ACAD11: variants seen among roughly 807,000 people sequenced by gnomAD.
The protein encoded by ACAD11 is acyl-Coenzyme A dehydrogenase family, member 11.
Under a neutral mutation model 102.2 loss-of-function variants are expected in ACAD11, and 83 were observed. The ratio of observed to expected loss-of-function variants is 0.81; its 90% CI spans 0.68 to 0.97. The LOEUF (loss-of-function observed/expected upper bound fraction) is 0.97, where lower values mean the gene tolerates loss of function less well. ACAD11 is among the 50% of genes least tolerant of loss of function. The pLI is 0.00. For synonymous variants in ACAD11, 324 were observed against 319.8 expected (o/e 1.01, Z -0.14); for missense variants, 901 against 951.7 (o/e 0.95, Z 0.70).
intron 4 of ACAD11, among the ~76,000 whole-genome samples, chr3:132,641,326 G>A (rs1010396345): frequency 1.3e-5 from 2 of 152,064 alleles, no homozygotes; most frequent in Non-Finnish European, 2.9e-5. Flanking sequence ...GGCGGATCAC[G>A]AGGTCAGGAG....
chr3:132,588,269 G>A (rs376807555), intron 13 of ACAD11, among the ~76,000 whole-genome samples: 3 of 152,024 alleles, frequency 2.0e-5, no homozygotes, highest in Admixed American at 1.3e-4. Flanking sequence ...CTGTGGGAAG[G>A]TTCATCTTAA....
At position 132,637,634 on chromosome 3, in the gene ACAD11, G is replaced by A. The variant is rs138615378; in HGVS notation, c.702+1858C>T. 6.2e-4 allele frequency among the ~76,000 whole-genome samples: 94 copies of A among 152,162 alleles called. 1 individual carries two copies. The highest frequency in any genetic ancestry group is 6.8e-3 in the Middle Eastern group (2 of 294). On this transcript the variant is annotated intron_variant, in intron 5 of 19. Coordinates refer to ENST00000264990, the MANE Select transcript of ACAD11 (RefSeq NM_032169.5). The stretch of plus-strand genomic sequence containing the variant: ...CCAAGATCTTAAACATTTCTCTACT[G>A]GTAAAATTTATATTTGGAAAATCAA...
intron 5 of ACAD11, among the ~76,000 whole-genome samples, chr3:132,632,801 G>T (rs917024409): frequency 2.0e-5 from 3 of 152,182 alleles, no homozygotes; most frequent in African/African-American, 7.2e-5. Flanking sequence ...CACATCCCTT[G>T]TAAGTTGGAT....
At chr3:132,640,570 G>A (rs1940454087) in intron 4 of ACAD11, among the ~76,000 whole-genome samples, 1 of 152,040 alleles carries the variant, frequency 6.6e-6, no homozygotes, top group Non-Finnish European at 1.5e-5. Context: ...CATTTCCCGA[G>A]GTATCTTTGC....
intron 13 of ACAD11, among the ~76,000 whole-genome samples, chr3:132,599,376 G>A (rs371647742): frequency 6.6e-6 from 1 of 151,828 alleles, no homozygotes; most frequent in African/African-American, 2.4e-5. Flanking sequence ...GCATGGTGGT[G>A]TGTACCTGTA....
At chr3:132,600,992 T>G (rs200045620) in intron 13 of ACAD11, 6 of 1,613,322 alleles carry the variant, frequency 3.7e-6, no homozygotes, top group Non-Finnish European at 5.1e-6. Flanking sequence ...AATGAAAGCA[T>G]TGATTCAAAT....
chr3:132,576,906 T>C, intron 16 of ACAD11, 38 bp downstream of exon 16: 2 of 1,357,312 alleles, frequency 1.5e-6, no homozygotes, highest in Non-Finnish European at 1.0e-6. Flanking sequence ...GAAATATTAA[T>C]GTACAATACT....
chr3:132,587,378 C>A (rs1010603630), intron 13 of ACAD11, among the ~76,000 whole-genome samples: 1 of 151,952 alleles, frequency 6.6e-6, no homozygotes, highest in Admixed American at 6.6e-5. Flanking sequence ...TCATTCTTTC[C>A]TCTGTTATCT....
chr3:132,642,010 C>T lies in ACAD11; in HGVS notation c.499G>A (p.Glu167Lys). 1 of 1,613,912 alleles carries T rather than the reference C, an allele frequency of 6.2e-7. No homozygotes were observed. The highest frequency in any genetic ancestry group is 8.5e-7 in the Non-Finnish European group (1 of 1,179,876). ...TACCCAGCACCTATACCATATCCTT[C>T]CAGCTGCAGTGACTGTATATTCAAG... Reference protein sequence around the residue: ...HSLNIQSLQLEGYGIGAGYCK... With the variant: ...HSLNIQSLQLKGYGIGAGYCK... Residue 167 changes from glutamate to lysine, a missense_variant, in exon 4 of 20, where the codon GAA becomes AAA. By Grantham distance (56) the Glu-to-Lys change is moderately conservative. Transcript: ENST00000264990.
At chr3:132,566,396 G>A (rs1337972602) in intron 17 of ACAD11, among the ~76,000 whole-genome samples, 1 of 150,980 alleles carries the variant, frequency 6.6e-6, no homozygotes, top group Non-Finnish European at 1.5e-5. Context: ...AAGAGAAAGA[G>A]TAAGGCTGAA....
In ACAD11 at chr3:132,558,926, A is replaced by G; in HGVS notation, c.*45T>C. The G allele has an allele frequency of 1.4e-6, 2 of 1,427,378 alleles. No individual in the cohort carries two copies. The highest frequency in any genetic ancestry group is 2.0e-6 in the Non-Finnish European group (2 of 1,020,790). The allele number at this position is 1,427,378 out of a possible 1,614,324, so 88.4% of individuals were successfully genotyped here. On this transcript the variant is annotated 3_prime_UTR_variant, in exon 20 of 20. Coordinates refer to ENST00000264990, the MANE Select transcript of ACAD11 (RefSeq NM_032169.5). ...AAATGTTGGAGCCAATGAAGTTTGT[A>G]TAAAGGAGAGTTTCTGCCAGTGGGA...
intron 13 of ACAD11, among the ~76,000 whole-genome samples, chr3:132,582,353 A>G (rs934468366): frequency 6.0e-5 from 9 of 149,872 alleles, no homozygotes; most frequent in Non-Finnish European, 1.5e-5. Context: ...AAAAAAAAAG[A>G]GTTTTCTGTA....
At chr3:132,565,175 G>T (rs143816199) in intron 17 of ACAD11, among the ~76,000 whole-genome samples, 58 of 152,172 alleles carry the variant, frequency 3.8e-4, no homozygotes, top group Non-Finnish European at 5.6e-4. Context: ...GATGGGGAGC[G>T]TAGGCTTCCA....
chr3:132,578,997 T>C, intron 14 of ACAD11, 116 bp from the exon 15 acceptor site: 2 of 1,537,052 alleles, frequency 1.3e-6, no homozygotes, highest in Non-Finnish European at 1.8e-6. Flanking sequence ...TAAGCAGTGA[T>C]GACTGGAATG....
chr3:132,652,665 A>G (rs1940972203), intron 1 of ACAD11, among the ~76,000 whole-genome samples: 1 of 152,088 alleles, frequency 6.6e-6, no homozygotes, highest in African/African-American at 2.4e-5. Context: ...AGATCATGAG[A>G]AAAAAAATTA....
intron 4 of ACAD11, among the ~76,000 whole-genome samples, chr3:132,640,001 C>G (rs375633557): frequency 7.4e-5 from 11 of 149,318 alleles, no homozygotes; most frequent in African/African-American, 2.5e-4. Context: ...CTCTCTCTCA[C>G]ACACACACAC....
chr3:132,610,512 T>C (rs1412061943), intron 11 of ACAD11, among the ~76,000 whole-genome samples: 24 of 151,816 alleles, frequency 1.6e-4, no homozygotes. Context: ...AAGAATCAAA[T>C]AGAAGCAATA....
At chr3:132,609,811 T>A (rs1939035963) in intron 11 of ACAD11, among the ~76,000 whole-genome samples, 1 of 152,016 alleles carries the variant, frequency 6.6e-6, no homozygotes, top group South Asian at 2.1e-4. Context: ...CAAAACCTGG[T>A]GGAGACACAA....
chr3:132,621,259 T>C (rs375381448), intron 9 of ACAD11: 78 of 152,270 alleles, frequency 5.1e-4, no homozygotes, highest in African/African-American at 1.9e-3. Context: ...GGTTGCCTCC[T>C]TAGCGCAGTA....
Sources: gnomAD v4.1 joint callset for allele counts (sites outside exome capture counted in the v4.1 genomes callset) on GRCh38, gnomAD v4.1.1 for gene constraint, MANE v1.5 for transcripts, NCBI Gene and HGNC (gene_info 2026-07-23, HGNC 2026-07-21) for gene names.